The following FBRSL1 variants were observed in gnomAD, a reference collection of about 807,000 sequenced individuals.
FBRSL1 encodes fibrosin-1-like protein.
In FBRSL1, 51 loss-of-function variants were observed where a neutral mutation model predicts 89.6. The observed-to-expected ratio is 0.57, with a 90% CI of 0.45 to 0.72. The LOEUF is 0.72. FBRSL1 is among the 30% of genes least tolerant of loss of function. The pLI, the probability that FBRSL1 is intolerant of heterozygous loss-of-function variation, is 0.00. For missense variants in FBRSL1, 1,618 were observed against 1,451.8 expected (o/e 1.11, Z -1.86); for synonymous variants, 779 against 681.1 (o/e 1.14, Z -2.24).
chr12:132,529,557 C>T (rs1212315699), intron 4 of FBRSL1, among the ~76,000 whole-genome samples: 1 of 151,926 alleles, frequency 6.6e-6, no homozygotes, highest in African/African-American at 2.4e-5. Flanking sequence ...TCTCTGCCAC[C>T]CTGGGCTCGG....
At chr12:132,560,756 A>G (rs1225102404) in intron 5 of FBRSL1, among the ~76,000 whole-genome samples, 1 of 152,044 alleles carries the variant, frequency 6.6e-6, no homozygotes, top group Non-Finnish European at 1.5e-5. Context: ...CTTCGCAGGG[A>G]CCCTGAGCCT....
intron 4 of FBRSL1, among the ~76,000 whole-genome samples, chr12:132,538,357 A>C (rs1274997391): frequency 6.6e-6 from 1 of 152,120 alleles, no homozygotes; most frequent in East Asian, 1.9e-4. Flanking sequence ...CTGCAGCCCC[A>C]CCACTCCCCT....
intron 9 of FBRSL1, chr12:132,571,743 A>G: frequency 5.6e-6 from 2 of 359,934 alleles, no homozygotes; most frequent in Non-Finnish European, 9.8e-6. Context: ...TCCTGGACTT[A>G]GGCAGGCACC....
At chr12:132,553,596 G>A (rs1426624338) in intron 5 of FBRSL1, 4 of 152,170 alleles carry the variant, frequency 2.6e-5, no homozygotes, top group South Asian at 4.2e-4. Context: ...GTGCAGACGT[G>A]TCGGTCCCTT....
intron 8 of FBRSL1, 135 bp downstream of exon 8, chr12:132,570,675 TC>T: frequency 1.2e-6 from 1 of 802,448 alleles, no homozygotes; most frequent in Non-Finnish European, 1.8e-6. Context: ...TCTGAGTGGT[TC>T]CCCCAGGTGT....
intron 9 of FBRSL1, chr12:132,572,056 C>CCCA: frequency 1.8e-6 from 1 of 569,954 alleles, no homozygotes. Flanking sequence ...GGGCCGAGTT[C>CCCA]CCACCCCATG....
At chr12:132,505,828 T>C (rs1021855631) in intron 1 of FBRSL1, among the ~76,000 whole-genome samples, 1 of 152,194 alleles carries the variant, frequency 6.6e-6, no homozygotes, top group African/African-American at 2.4e-5. Context: ...GCCGCACGGC[T>C]CTCCCAGGCC....
intron 18 of FBRSL1, 51 bp from the exon 19 acceptor site, chr12:132,582,920 C>T (rs2040880002): frequency 2.3e-6 from 3 of 1,318,556 alleles, no homozygotes; most frequent in Non-Finnish European, 1.9e-6. Flanking sequence ...GGCTGCGCCG[C>T]GCGGCAGGAC....
intron 1 of FBRSL1, among the ~76,000 whole-genome samples, chr12:132,500,345 G>A (rs930108065): frequency 2.0e-5 from 3 of 152,110 alleles, no homozygotes; most frequent in African/African-American, 7.2e-5. Flanking sequence ...GGAACCTGAC[G>A]CACAGAGCCG....
chr12:132,577,490 A>G (rs1181100489), intron 15 of FBRSL1, among the ~76,000 whole-genome samples: 1 of 152,152 alleles, frequency 6.6e-6, no homozygotes, highest in African/African-American at 2.4e-5. Flanking sequence ...CCGGGGTCCC[A>G]GGACGGGCCC....
chr12:132,580,154 C>A (rs2040646911), intron 15 of FBRSL1, among the ~76,000 whole-genome samples: 3 of 152,192 alleles, frequency 2.0e-5, no homozygotes, highest in East Asian at 1.9e-4. Context: ...GTGGTGCGAT[C>A]TTGGCTCACT....
At chr12:132,564,451 C>T (rs145428625) in intron 5 of FBRSL1, among the ~76,000 whole-genome samples, 220 of 98,622 alleles carry the variant, frequency 2.2e-3, no homozygotes, top group African/African-American at 0.013. Context: ...GGGCTGGCTA[C>T]GCCTGGTGAG....
At chr12:132,580,181 G>A (rs892614024) in intron 15 of FBRSL1, among the ~76,000 whole-genome samples, 4 of 152,154 alleles carry the variant, frequency 2.6e-5, no homozygotes, top group Admixed American at 1.3e-4. Flanking sequence ...TCCACCTCCC[G>A]GGTTCAAGCG....
At chr12:132,517,502 A>G (rs2034951073) in intron 2 of FBRSL1, among the ~76,000 whole-genome samples, 1 of 152,230 alleles carries the variant, frequency 6.6e-6, no homozygotes, top group Non-Finnish European at 1.5e-5. Flanking sequence ...AGTGACAAAC[A>G]AGACAAGTGA....
Position 132,564,649 on chromosome 12 carries a change from C to T in FBRSL1, c.646-2832C>T, listed in dbSNP as rs999543864. ...TAGCTGGGACTACAGGCGCCCGCCA[C>T]CACGCCCGGCTAATTTTTTGTATTT... On this transcript the variant is annotated intron_variant, in intron 5 of 18. Coordinates refer to ENST00000680143, the MANE Select transcript of FBRSL1 (RefSeq NM_001367871.1). 2.0e-4 allele frequency among the ~76,000 whole-genome samples: 24 copies of T among 121,886 alleles called. 3 individuals carry two copies. The highest frequency in any genetic ancestry group is 6.3e-4 in the African/African-American group (19 of 30,008). 80.0% of individuals were successfully genotyped at this position (121,886 alleles called of 152,430 possible).
Position 132,583,103 on chromosome 12 carries a change from C to T in FBRSL1, c.2334C>T (p.Ala778=). The T allele has an allele frequency of 2.1e-6, 3 of 1,455,060 alleles. No homozygotes were observed. The highest frequency in any genetic ancestry group is 6.3e-5 in the East Asian group (2 of 31,958). 90.1% of individuals were successfully genotyped at this position (1,455,060 alleles called of 1,614,324 possible). The part of the protein sequence containing the change: ...GRSGAPAERE[A]EPRVKESRSP... Reference sequence around the variant, plus strand: ...CCGGGGCCCCCGCGGAGCGCGAGGCCGAACCTCGGGTCAAGGAGAGCCGCT... The same window carrying T: ...CCGGGGCCCCCGCGGAGCGCGAGGCTGAACCTCGGGTCAAGGAGAGCCGCT... The change falls in exon 19 of 19, where the codon GCC becomes GCT. Residue 778 remains alanine (A), a synonymous_variant. Coordinates refer to ENST00000680143, the MANE Select transcript of FBRSL1 (RefSeq NM_001367871.1).
intron 4 of FBRSL1, among the ~76,000 whole-genome samples, chr12:132,543,765 G>A (rs971038213): frequency 7.2e-5 from 11 of 152,206 alleles, no homozygotes; most frequent in Admixed American, 2.0e-4. Flanking sequence ...ACAGTGACAC[G>A]CAGTGGCCCC....
intron 2 of FBRSL1, 119 bp downstream of exon 2, chr12:132,508,469 C>T (rs1232505771): frequency 1.7e-6 from 2 of 1,203,646 alleles, no homozygotes; most frequent in African/African-American, 1.6e-5. Context: ...GCAGCGCGCC[C>T]ATCGTTGTCA....
At chr12:132,498,426 C>T (rs952310343) in intron 1 of FBRSL1, among the ~76,000 whole-genome samples, 39 of 152,312 alleles carry the variant, frequency 2.6e-4, no homozygotes, top group African/African-American at 7.9e-4. Flanking sequence ...TGTCGAGGAC[C>T]GCAGCAGAGT....
Sources: allele counts gnomAD v4.1 joint callset (sites outside exome capture counted in the v4.1 genomes callset), GRCh38; gene constraint gnomAD v4.1.1; transcripts MANE v1.5; gene names NCBI Gene and HGNC (gene_info 2026-07-23, HGNC 2026-07-21).